Variants in ZNF892 observed in about 807,000 individuals in gnomAD.
ZNF892 encodes zinc finger protein 892.
the ZNF892 span, among the ~76,000 whole-genome samples, chr2:95,216,000 C>T: frequency 6.6e-6 from 1 of 151,916 alleles, no homozygotes; most frequent in Non-Finnish European, 1.5e-5. Flanking sequence ...AAAAAGAGAT[C>T]GAGAATTCAC....
At chr2:95,245,407 C>G in the ZNF892 span, among the ~76,000 whole-genome samples, 1 of 140,222 alleles carries the variant, frequency 7.1e-6, no homozygotes. Flanking sequence ...CCACCACACC[C>G]GGCTAATTTT....
the ZNF892 span, among the ~76,000 whole-genome samples, chr2:95,220,780 G>A: frequency 6.6e-6 from 1 of 152,196 alleles, no homozygotes; most frequent in Admixed American, 6.5e-5. Context: ...AGGAACAATA[G>A]TTTATAAATT....
chr2:95,253,399 T>C, the ZNF892 span, among the ~76,000 whole-genome samples: 1 of 152,234 alleles, frequency 6.6e-6, no homozygotes, highest in Non-Finnish European at 1.5e-5. Context: ...GTTGTAGATA[T>C]GTGGCATTAT....
the ZNF892 span, among the ~76,000 whole-genome samples, chr2:95,254,558 T>C: frequency 3.9e-5 from 6 of 152,342 alleles, no homozygotes; most frequent in Admixed American, 3.3e-4. Context: ...TTGTTGTGTC[T>C]CTGCCAGGCT....
chr2:95,252,023 A>G, the ZNF892 span, among the ~76,000 whole-genome samples: 2 of 152,250 alleles, frequency 1.3e-5, no homozygotes, highest in East Asian at 3.8e-4. Flanking sequence ...GTTGGAAATA[A>G]GAGTTCGGAG....
chr2:95,225,163 G>A, the ZNF892 span, among the ~76,000 whole-genome samples: 3 of 152,106 alleles, frequency 2.0e-5, no homozygotes, highest in Non-Finnish European at 1.5e-5. Context: ...GAATATATTA[G>A]TGCTTCATTT....
At chr2:95,207,521 A>T in the ZNF892 span, 2 of 314,136 alleles carry the variant, frequency 6.4e-6, no homozygotes. Context: ...TGGGAGTGGT[A>T]GTTCGGCCTC....
chr2:95,249,984 T>C, the ZNF892 span, among the ~76,000 whole-genome samples: 5 of 152,184 alleles, frequency 3.3e-5, no homozygotes, highest in Admixed American at 6.5e-5. Context: ...TTATAAACTT[T>C]TATGTCACTT....
chr2:95,207,589 C>G, the ZNF892 span: 4 of 386,294 alleles, frequency 1.0e-5, no homozygotes, highest in Non-Finnish European at 1.8e-5. Flanking sequence ...TCGTCGGGCT[C>G]GGCTTCCTCA....
At chr2:95,257,198 G>A in the ZNF892 span, among the ~76,000 whole-genome samples, 2 of 152,120 alleles carry the variant, frequency 1.3e-5, no homozygotes, top group African/African-American at 4.8e-5. Context: ...CATATTTGTG[G>A]TTTTATCTAC....
chr2:95,235,661 C>T, the ZNF892 span, among the ~76,000 whole-genome samples: 1 of 152,148 alleles, frequency 6.6e-6, no homozygotes, highest in Admixed American at 6.6e-5. Context: ...ACGCCCGGCC[C>T]CAGTAAACTT....
the ZNF892 span, among the ~76,000 whole-genome samples, chr2:95,233,672 C>CAAAAAAA: frequency 2.0e-4 from 7 of 35,172 alleles, 1 homozygote; most frequent in African/African-American, 3.8e-4. Context: ...GACTCCATCT[C>CAAAAAAA]AAAAAAAAAA....
the ZNF892 span, among the ~76,000 whole-genome samples, chr2:95,237,537 G>A: frequency 1.3e-5 from 2 of 152,112 alleles, no homozygotes; most frequent in East Asian, 1.9e-4. Flanking sequence ...AGACACAACA[G>A]TATTGAAATT....
chr2:95,207,904 G>C, the ZNF892 span: 1 of 398,394 alleles, frequency 2.5e-6, no homozygotes, highest in Non-Finnish European at 4.4e-6. Flanking sequence ...GCTACCTCTG[G>C]CTGGCGCAGG....
chr2:95,216,766 T>C, the ZNF892 span, among the ~76,000 whole-genome samples: 1 of 152,220 alleles, frequency 6.6e-6, no homozygotes, highest in African/African-American at 2.4e-5. Flanking sequence ...CTCTTCAATC[T>C]GTAGGTTTAT....
the ZNF892 span, among the ~76,000 whole-genome samples, chr2:95,216,435 A>G: frequency 2.2e-4 from 33 of 152,194 alleles, no homozygotes; most frequent in African/African-American, 7.7e-4. Flanking sequence ...TTACCTGAGA[A>G]TGTGCTTATT....
At chr2:95,262,723 C>A in the ZNF892 span, among the ~76,000 whole-genome samples, 5 of 152,234 alleles carry the variant, frequency 3.3e-5, no homozygotes, top group Admixed American at 6.5e-5. Flanking sequence ...AGATTTTCAA[C>A]CTCCAGTCTC....
the ZNF892 span, among the ~76,000 whole-genome samples, chr2:95,220,852 T>G: frequency 6.6e-6 from 1 of 152,220 alleles, no homozygotes; most frequent in Non-Finnish European, 1.5e-5. Context: ...TGACTAAGAA[T>G]ATAAACTATA....
the ZNF892 span, among the ~76,000 whole-genome samples, chr2:95,223,190 T>C: frequency 1.3e-5 from 2 of 152,206 alleles, no homozygotes; most frequent in Non-Finnish European, 2.9e-5. Context: ...CCTTCAAATT[T>C]ATTCTTTTTC....
Sources: allele counts gnomAD v4.1 joint callset (sites outside exome capture counted in the v4.1 genomes callset), GRCh38; gene constraint gnomAD v4.1.1; transcripts MANE v1.5; gene names NCBI Gene and HGNC (gene_info 2026-07-23, HGNC 2026-07-21).